PPP1R12A: variants seen among roughly 807,000 people sequenced by gnomAD.
PPP1R12A encodes protein phosphatase 1 regulatory subunit 12A.
In PPP1R12A, 19 loss-of-function variants were observed where a neutral mutation model predicts 139.6. The observed-to-expected ratio is 0.14, with a 90% CI of 0.09 to 0.20. The LOEUF (loss-of-function observed/expected upper bound fraction) is 0.20, where lower values mean the gene tolerates loss of function less well. PPP1R12A is among the 10% of genes least tolerant of loss of function. The pLI, the probability that PPP1R12A is intolerant of heterozygous loss-of-function variation, is 1.00. For missense variants in PPP1R12A, 925 were observed against 1,211.5 expected (o/e 0.76, Z 3.51); for synonymous variants, 427 against 420.6 (o/e 1.02, Z -0.19).
intron 1 of PPP1R12A, among the ~76,000 whole-genome samples, chr12:79,902,752 T>C (rs1290154836): frequency 1.3e-5 from 2 of 152,172 alleles, no homozygotes; most frequent in Non-Finnish European, 2.9e-5. Flanking sequence ...AGGTTGAGCA[T>C]CACTAATCTG....
intron 14 of PPP1R12A, among the ~76,000 whole-genome samples, chr12:79,801,347 A>C: frequency 1.5e-5 from 1 of 64,692 alleles, no homozygotes; most frequent in Non-Finnish European, 2.4e-5. Context: ...CTCTGTCTCA[A>C]AAAAAAAAAA....
intron 1 of PPP1R12A, among the ~76,000 whole-genome samples, chr12:79,911,845 T>G (rs1347918277): frequency 6.6e-6 from 1 of 152,140 alleles, no homozygotes; most frequent in Non-Finnish European, 1.5e-5. Flanking sequence ...CCACCCAATC[T>G]GTTCTACAGC....
At chr12:79,875,231 T>G (rs945134975) in intron 1 of PPP1R12A, among the ~76,000 whole-genome samples, 6 of 152,212 alleles carry the variant, frequency 3.9e-5, no homozygotes, top group Non-Finnish European at 7.3e-5. Flanking sequence ...GGAGGCTTTC[T>G]GGAATTGGCA....
chr12:79,793,682 T>A (rs1872161415), intron 19 of PPP1R12A, 181 bp downstream of exon 19: 1 of 511,700 alleles, frequency 2.0e-6, no homozygotes, highest in African/African-American at 2.0e-5. Context: ...CAAAACATTA[T>A]TTTGTGACCC....
Position 79,774,126 on chromosome 12 carries a change from T to A in PPP1R12A, c.*1803A>T, listed in dbSNP as rs1478161430. The A allele has an allele frequency of 6.6e-6, 1 of 152,192 alleles. No individual in the cohort carries two copies. Among genetic ancestry groups the A allele is most frequent in the Non-Finnish European group, 1.5e-5 (1 of 68,026 alleles). The allele number at this position is 152,192 out of a possible 1,614,324, so 9.4% of individuals were successfully genotyped here. A position where few individuals can be genotyped will look rare whatever the true frequency, so the allele number is the denominator to read the frequency against. On this transcript the variant is annotated 3_prime_UTR_variant, in exon 25 of 25. Transcript: ENST00000450142. ...TGCAGTCACTCAAACTGATCAGTTA[T>A]CTGTATATTTTACCTCCACATAAGA...
intron 1 of PPP1R12A, among the ~76,000 whole-genome samples, chr12:79,902,581 AT>A (rs983212369): frequency 2.6e-5 from 4 of 152,108 alleles, no homozygotes; most frequent in Admixed American, 2.0e-4. Context: ...TCAAAAAAAA[AT>A]TTTTTTAATT....
At chr12:79,872,307 C>G (rs1882660040) in intron 2 of PPP1R12A, among the ~76,000 whole-genome samples, 1 of 152,114 alleles carries the variant, frequency 6.6e-6, no homozygotes, top group Non-Finnish European at 1.5e-5. Flanking sequence ...TGTGTACCCA[C>G]ACATTAAAGG....
At chr12:79,859,229 C>T (rs1250630265) in intron 2 of PPP1R12A, among the ~76,000 whole-genome samples, 3 of 151,190 alleles carry the variant, frequency 2.0e-5, no homozygotes, top group African/African-American at 7.3e-5. Flanking sequence ...CCCAGCTACT[C>T]GGGAGGCAGA....
intron 13 of PPP1R12A, 123 bp from the exon 14 acceptor site, chr12:79,805,891 A>T: frequency 9.0e-7 from 1 of 1,105,952 alleles, no homozygotes. Context: ...GCAAGGTGAG[A>T]CATCCTTAAA....
chr12:79,784,832 T>G (rs1450531673), intron 22 of PPP1R12A, among the ~76,000 whole-genome samples: 1 of 152,040 alleles, frequency 6.6e-6, no homozygotes, highest in African/African-American at 2.4e-5. Flanking sequence ...AGAGATGAGG[T>G]TTCACTATGT....
Position 79,852,489 on chromosome 12 carries a change from C to T in PPP1R12A, c.369-7069G>A, listed in dbSNP as rs148493687. Among the ~76,000 whole-genome samples the T allele has an allele frequency of 2.5e-3, 387 of 152,292 alleles. 3 individuals are homozygous for T. The highest frequency in any genetic ancestry group is 8.9e-3 in the African/African-American group (371 of 41,554). ...AGGATTACAGTCTTGAGTCACCACACTCAGCCAGACAATTTTTAATTAAAA... is the reference window on the plus strand; with the variant it reads ...AGGATTACAGTCTTGAGTCACCACATTCAGCCAGACAATTTTTAATTAAAA... On this transcript the variant is annotated intron_variant, in intron 2 of 24. Transcript: ENST00000450142.
chr12:79,779,493 T>C (rs1870151817), intron 23 of PPP1R12A: 1 of 600,990 alleles, frequency 1.7e-6, no homozygotes, highest in Non-Finnish European at 2.7e-6. Flanking sequence ...GGGTATGTGA[T>C]TTTAAAAAGT....
chr12:79,894,382 G>A (rs1884941347), intron 1 of PPP1R12A, among the ~76,000 whole-genome samples: 1 of 152,098 alleles, frequency 6.6e-6, no homozygotes, highest in African/African-American at 2.4e-5. Flanking sequence ...CTTTTTTGGA[G>A]TGGTGCCTTG....
intron 22 of PPP1R12A, among the ~76,000 whole-genome samples, chr12:79,785,955 TATG>T (rs1871074082): frequency 6.6e-6 from 1 of 152,178 alleles, no homozygotes; most frequent in African/African-American, 2.4e-5. Flanking sequence ...CAAAAGGAGT[TATG>T]ATTAAAATTA....
At chr12:79,905,337 C>CCT (rs1886003644) in intron 1 of PPP1R12A, among the ~76,000 whole-genome samples, 1 of 46,344 alleles carries the variant, frequency 2.2e-5, no homozygotes, top group East Asian at 4.1e-4. Flanking sequence ...TTTTGTTTTG[C>CCT]CGCCCCCCCC....
chr12:79,879,468 T>C (rs1410141891), intron 1 of PPP1R12A, among the ~76,000 whole-genome samples: 3 of 152,028 alleles, frequency 2.0e-5, no homozygotes, highest in African/African-American at 7.3e-5. Context: ...GTGGAATGCA[T>C]AAATACACAG....
At chr12:79,853,189 G>C (rs1880256973) in intron 2 of PPP1R12A, among the ~76,000 whole-genome samples, 1 of 152,114 alleles carries the variant, frequency 6.6e-6, no homozygotes, top group Non-Finnish European at 1.5e-5. Flanking sequence ...GAAGTAGAAT[G>C]GTTATTCTCA....
chr12:79,928,531 A>G (rs948377879), intron 1 of PPP1R12A, among the ~76,000 whole-genome samples: 1 of 152,372 alleles, frequency 6.6e-6, no homozygotes, highest in Middle Eastern at 3.4e-3. Flanking sequence ...AAAGTGTTAC[A>G]GCTTTTCTAA....
chr12:79,830,870 C>T (rs1448779335), intron 4 of PPP1R12A, among the ~76,000 whole-genome samples: 1 of 152,100 alleles, frequency 6.6e-6, no homozygotes, highest in African/African-American at 2.4e-5. Context: ...ACAATTCATA[C>T]TTTAGAGGCA....
Sources: allele counts gnomAD v4.1 joint callset (sites outside exome capture counted in the v4.1 genomes callset), GRCh38; gene constraint gnomAD v4.1.1; transcripts MANE v1.5; gene names NCBI Gene and HGNC (gene_info 2026-07-23, HGNC 2026-07-21).